Variants in TBC1D1 observed in about 807,000 individuals in gnomAD.
TBC1D1 encodes TBC1 domain family member 1.
In TBC1D1, 89 loss-of-function variants were observed where a neutral mutation model predicts 125.6. The ratio of observed to expected loss-of-function variants is 0.71; its 90% confidence interval spans 0.60 to 0.85. TBC1D1 has a LOEUF of 0.85. Among genes scored for constraint, TBC1D1 ranks in the 40% least tolerant of loss-of-function variants. TBC1D1 has a pLI of 0.00. For missense variants in TBC1D1, 1,377 were observed against 1,469.2 expected (o/e 0.94, Z 1.03); for synonymous variants, 565 against 564.1 (o/e 1.00, Z -0.02).
chr4:38,100,635 T>C (rs183067785), intron 14 of TBC1D1, among the ~76,000 whole-genome samples: 10 of 152,272 alleles, frequency 6.6e-5, no homozygotes, highest in Admixed American at 2.0e-4. Context: ...ATTATATTAA[T>C]GCTGAGATAA....
At chr4:37,940,665 A>G (rs911187993) in intron 2 of TBC1D1, among the ~76,000 whole-genome samples, 4 of 152,188 alleles carry the variant, frequency 2.6e-5, no homozygotes, top group African/African-American at 7.2e-5. Context: ...TGAGTTTGTC[A>G]TAGATAGCTC....
chr4:37,970,587 C>T (rs541292978), intron 2 of TBC1D1, among the ~76,000 whole-genome samples: 33 of 152,302 alleles, frequency 2.2e-4, no homozygotes, highest in Non-Finnish European at 3.4e-4. Context: ...GGGAACTCAT[C>T]GAAGCTTCAC....
chr4:37,940,743 A>G (rs930920064), intron 2 of TBC1D1, among the ~76,000 whole-genome samples: 5 of 152,078 alleles, frequency 3.3e-5, no homozygotes, highest in Admixed American at 6.6e-5. Context: ...AGGGCTGTTG[A>G]ATTTTGTCAA....
At chr4:38,002,831 C>G (rs570645947) in intron 2 of TBC1D1, among the ~76,000 whole-genome samples, 1 of 152,242 alleles carries the variant, frequency 6.6e-6, no homozygotes, top group South Asian at 2.1e-4. Context: ...CATACCAAAC[C>G]AAAATGGAGT....
intron 8 of TBC1D1, among the ~76,000 whole-genome samples, chr4:38,041,316 A>T (rs1038928917): frequency 2.6e-5 from 4 of 152,248 alleles, no homozygotes; most frequent in Non-Finnish European, 5.9e-5. Context: ...AATTTTTAAA[A>T]AGTGACAATA....
chr4:37,949,249 A>G (rs1692286202), intron 2 of TBC1D1, among the ~76,000 whole-genome samples: 1 of 152,218 alleles, frequency 6.6e-6, no homozygotes, highest in Non-Finnish European at 1.5e-5. Flanking sequence ...TTTTCTGTGC[A>G]GTAAAGAACT....
intron 2 of TBC1D1, among the ~76,000 whole-genome samples, chr4:37,953,111 G>A (rs10517456): frequency 0.62 from 94,635 of 152,110 alleles, 30,280 homozygotes; most frequent in East Asian, 0.96. Context: ...TTTTGCATTC[G>A]GAGCCAGTAA....
chr4:38,114,772 G>A (rs1296464606), intron 15 of TBC1D1, among the ~76,000 whole-genome samples: 1 of 151,654 alleles, frequency 6.6e-6, no homozygotes, highest in South Asian at 2.1e-4. Flanking sequence ...GATGTTGAGA[G>A]CTTTTTTTTT....
chr4:37,977,554 G>T lies in TBC1D1; in HGVS notation c.418-36955G>T. 1.2e-6 allele frequency: 1 copy of T among 805,446 alleles called. No individual in the cohort carries two copies. The allele number at this position is 805,446 out of a possible 1,614,324, so 49.9% of individuals were successfully genotyped here. A position where few individuals can be genotyped will look rare whatever the true frequency, so the allele number is the denominator to read the frequency against. ...GGTAGGCGGCGTCGGGCGGGCGCCC[G>T]TTACCGGAGCGGAGCGGCAGGCGCG... On this transcript the variant is annotated intron_variant, in intron 2 of 19. Coordinates refer to ENST00000261439, the MANE Select transcript of TBC1D1 (RefSeq NM_015173.4). The surrounding 1 kb of genome is among the most constrained non-coding windows in gnomAD (Gnocchi z 4.3).
chr4:38,049,787 T>TC lies in TBC1D1; in HGVS notation c.1803dup (p.Ile602HisfsTer34). The TC allele has an allele frequency of 6.2e-7, 1 of 1,614,008 alleles. No individual in the cohort carries two copies. The highest frequency in any genetic ancestry group is 8.5e-7 in the Non-Finnish European group (1 of 1,180,004). ...AGGCGAGCAAACACCCTGAGTCACT[T>TC]CCCCATCGAATGCCAGGAACCTCCA... is the stretch of plus-strand genomic sequence containing the variant. On this transcript the variant is annotated frameshift_variant, in exon 11 of 20. Coordinates refer to ENST00000261439, the MANE Select transcript of TBC1D1 (RefSeq NM_015173.4). LOFTEE classifies it high-confidence loss of function.
chr4:38,006,825 G>A (rs1245168320), intron 2 of TBC1D1: 1 of 513,516 alleles, frequency 1.9e-6, no homozygotes, highest in African/African-American at 2.0e-5. Context: ...CCTTTCTTTG[G>A]TTTCCCCTTT....
intron 2 of TBC1D1, among the ~76,000 whole-genome samples, chr4:38,007,708 C>G (rs1578245224): frequency 6.6e-6 from 1 of 152,306 alleles, no homozygotes; most frequent in South Asian, 2.1e-4. Flanking sequence ...CAGATTCAGT[C>G]TTTTTTGTCT....
chr4:37,921,336 G>GA (rs140121174), intron 2 of TBC1D1, among the ~76,000 whole-genome samples: 14,988 of 144,276 alleles, frequency 0.1, 976 homozygotes, highest in Admixed American at 0.18. Context: ...TCCAACCCAG[G>GA]AAAAAAAAAC....
At chr4:38,121,512 C>G (rs891035806) in intron 17 of TBC1D1, among the ~76,000 whole-genome samples, 1 of 152,068 alleles carries the variant, frequency 6.6e-6, no homozygotes, top group Non-Finnish European at 1.5e-5. Context: ...TTCTAGGTGG[C>G]TTGAAAAAGG....
chr4:38,064,084 A>C (rs756800145), intron 12 of TBC1D1, among the ~76,000 whole-genome samples: 4 of 152,196 alleles, frequency 2.6e-5, no homozygotes, highest in Non-Finnish European at 5.9e-5. Context: ...GTGCAATCAT[A>C]TAATATGTGG....
chr4:38,035,802 C>G lies in TBC1D1; in HGVS notation c.1413+104C>G, dbSNP rs1430876589. ...GAAACTCTGATACCTTTTTTTCTCC[C>G]TATGTTTTATTTTCCTTTGTTGCAC... On this transcript the variant is annotated intron_variant, in intron 8 of 19. Coordinates refer to ENST00000261439, the MANE Select transcript of TBC1D1 (RefSeq NM_015173.4). The G allele has an allele frequency of 4.8e-6, 4 of 830,688 alleles. No homozygotes were observed. In the Admixed American group the frequency reaches 1.1e-4, roughly 22 times the overall value. The allele number at this position is 830,688 out of a possible 1,614,324, so 51.5% of individuals were successfully genotyped here. A position where few individuals can be genotyped will look rare whatever the true frequency, so the allele number is the denominator to read the frequency against.
chr4:38,064,188 A>T (rs1376811179), intron 12 of TBC1D1, among the ~76,000 whole-genome samples: 1 of 152,208 alleles, frequency 6.6e-6, no homozygotes, highest in Non-Finnish European at 1.5e-5. Context: ...ATGACTTATT[A>T]ATATTCCGTT....
In TBC1D1 at chr4:38,033,829, T is replaced by C. The variant is rs150616749; in HGVS notation, c.1303-1759T>C. Among the ~76,000 whole-genome samples, 409 of 152,354 alleles carry C rather than the reference T, an allele frequency of 2.7e-3. 1 individual carries two copies. Among genetic ancestry groups the C allele is most frequent in the African/African-American group, 9.5e-3 (394 of 41,576 alleles). ...CAGACTGGCTTCTTTTGCTTAGCAA[T>C]ATGCACTTAAGGTTCTTCCATGTCT... On this transcript the variant is annotated intron_variant, in intron 7 of 19. Coordinates refer to ENST00000261439, the MANE Select transcript of TBC1D1 (RefSeq NM_015173.4).
intron 14 of TBC1D1, 78 bp from the exon 17 acceptor site, chr4:38,102,921 C>A: frequency 4.5e-5 from 60 of 1,332,484 alleles, no homozygotes; most frequent in East Asian, 1.5e-4. Flanking sequence ...ATAAATGGAA[C>A]ATGAAACACA....
Sources: allele counts gnomAD v4.1 joint callset (sites outside exome capture counted in the v4.1 genomes callset), GRCh38; gene constraint gnomAD v4.1.1; non-coding constraint Gnocchi (gnomAD v3.1); transcripts MANE v1.5; gene names NCBI Gene and HGNC (gene_info 2026-07-23, HGNC 2026-07-21).